Variants in RAB11FIP4 observed in about 807,000 individuals in gnomAD.
RAB11FIP4 encodes the protein RAB11 family interacting protein 4, also known as rab11 family-interacting protein 4.
A neutral mutation model predicts 74.3 loss-of-function variants in RAB11FIP4; 23 were observed. That is an observed-to-expected ratio of 0.31 (90% CI 0.22 to 0.44). RAB11FIP4 has a LOEUF of 0.44. Among genes scored for constraint, RAB11FIP4 ranks in the 20% least tolerant of loss-of-function variants. The pLI is 1.00. For missense variants in RAB11FIP4, 630 were observed against 863.9 expected (o/e 0.73, Z 3.39); for synonymous variants, 360 against 359.9 (o/e 1.00, Z 0.00).
At chr17:31,499,597 C>T (rs997300460) in intron 3 of RAB11FIP4, among the ~76,000 whole-genome samples, 4 of 152,086 alleles carry the variant, frequency 2.6e-5, no homozygotes, top group Admixed American at 6.6e-5. Flanking sequence ...CCTCGTGATC[C>T]GCCCGTCTCG....
chr17:31,392,011 G>A lies in RAB11FIP4; in HGVS notation c.159G>A (p.Glu53=). 7.6e-7 allele frequency: 1 copy of A among 1,318,944 alleles called. No individual in the cohort carries two copies. Among genetic ancestry groups the A allele is most frequent in the Non-Finnish European group, 9.7e-7 (1 of 1,034,972 alleles). The allele number at this position is 1,318,944 out of a possible 1,614,324, so 81.7% of individuals were successfully genotyped here. A position where few individuals can be genotyped will look rare whatever the true frequency, so the allele number is the denominator to read the frequency against. The change falls in exon 1 of 15, where the codon GAG becomes GAA. Residue 53 remains glutamate (E), a splice_region_variant and synonymous_variant. Transcript: ENST00000621161. ...GACTGCGCTTCGGCCAGGGCGAGGA[G>A]GTAAGCTGGCCCGACCCCAGTCCCG... ...ALGLRFGQGE[E]VEKLVKYLDP...
At chr17:31,514,443 G>A (rs1293122324) in intron 3 of RAB11FIP4, among the ~76,000 whole-genome samples, 1 of 151,940 alleles carries the variant, frequency 6.6e-6, no homozygotes, top group Admixed American at 6.6e-5. Context: ...TGGCTGTAGG[G>A]GGAAGGTGGG....
chr17:31,415,249 T>G (rs1281893090), intron 1 of RAB11FIP4, among the ~76,000 whole-genome samples: 2 of 152,096 alleles, frequency 1.3e-5, no homozygotes, highest in Non-Finnish European at 2.9e-5. Context: ...AGACAGGAGG[T>G]GGGCACCTCA....
intron 3 of RAB11FIP4, among the ~76,000 whole-genome samples, chr17:31,482,569 C>T (rs184357242): frequency 2.4e-3 from 357 of 148,728 alleles, no homozygotes; most frequent in Non-Finnish European, 3.7e-3. Flanking sequence ...CCAGCTTGGG[C>T]GACAGAGGGA....
chr17:31,434,420 A>G (rs761684167), intron 3 of RAB11FIP4, among the ~76,000 whole-genome samples: 1 of 152,084 alleles, frequency 6.6e-6, no homozygotes, highest in Non-Finnish European at 1.5e-5. Flanking sequence ...CAGGACTAGA[A>G]TTGTTTCCTT....
chr17:31,502,023 A>G (rs1049722825), intron 3 of RAB11FIP4, among the ~76,000 whole-genome samples: 2 of 152,094 alleles, frequency 1.3e-5, no homozygotes, highest in African/African-American at 4.8e-5. Flanking sequence ...CAGGAGTTTG[A>G]GACTAGCCTG....
At chr17:31,482,428 A>G (rs1016057801) in intron 3 of RAB11FIP4, among the ~76,000 whole-genome samples, 3 of 152,000 alleles carry the variant, frequency 2.0e-5, no homozygotes, top group Non-Finnish European at 4.4e-5. Context: ...CATCTCTACT[A>G]AAAATACAAA....
intron 3 of RAB11FIP4, among the ~76,000 whole-genome samples, chr17:31,438,577 C>A (rs1312968563): frequency 1.3e-5 from 2 of 152,082 alleles, no homozygotes; most frequent in Non-Finnish European, 2.9e-5. Context: ...CTTCCTCTCT[C>A]CACACCCCCA....
chr17:31,417,612 C>A (rs181084794), intron 1 of RAB11FIP4, among the ~76,000 whole-genome samples: 1 of 152,210 alleles, frequency 6.6e-6, no homozygotes, highest in Admixed American at 6.5e-5. Flanking sequence ...ATTGCCACTC[C>A]GATGCCCATG....
At chr17:31,515,875 G>A (rs1257452999) in intron 3 of RAB11FIP4, among the ~76,000 whole-genome samples, 2 of 152,190 alleles carry the variant, frequency 1.3e-5, no homozygotes, top group African/African-American at 4.8e-5. Flanking sequence ...TCTTCTATCT[G>A]ATGATTTAAC....
At chr17:31,454,052 C>G (rs551459357) in intron 3 of RAB11FIP4, among the ~76,000 whole-genome samples, 1 of 152,140 alleles carries the variant, frequency 6.6e-6, no homozygotes, top group Non-Finnish European at 1.5e-5. Context: ...GAAAAGTCAG[C>G]CCCTGGGCAT....
intron 3 of RAB11FIP4, among the ~76,000 whole-genome samples, chr17:31,474,882 CAAAA>C: frequency 8.1e-6 from 1 of 124,190 alleles, no homozygotes; most frequent in Non-Finnish European, 1.8e-5. Flanking sequence ...AAACAAAAAA[CAAAA>C]AAAAAACAGA....
intron 3 of RAB11FIP4, among the ~76,000 whole-genome samples, chr17:31,508,392 CCCCT>C (rs1464388678): frequency 2.0e-5 from 3 of 152,246 alleles, no homozygotes; most frequent in Admixed American, 2.0e-4. Flanking sequence ...GCCAGTGGAT[CCCCT>C]TGTGGTGAGA....
intron 14 of RAB11FIP4, 26 bp from the exon 15 acceptor site, chr17:31,531,590 T>A: frequency 6.5e-7 from 1 of 1,527,914 alleles, no homozygotes; most frequent in South Asian, 1.1e-5. Context: ...GCCCAGCCAC[T>A]GACCCGTCTT....
chr17:31,442,603 C>G (rs947766018), intron 3 of RAB11FIP4, among the ~76,000 whole-genome samples: 1 of 152,140 alleles, frequency 6.6e-6, no homozygotes, highest in Middle Eastern at 3.2e-3. Flanking sequence ...TACTGTCTGC[C>G]CTTTACAGAA....
At chr17:31,525,844 G>A (rs73988087) in intron 10 of RAB11FIP4, 1 of 152,402 alleles carries the variant, frequency 6.6e-6, no homozygotes, top group Non-Finnish European at 1.5e-5. Flanking sequence ...GCCCCTTTGC[G>A]GCCCTTGACC....
In RAB11FIP4 at chr17:31,521,999, C is replaced by A; in HGVS notation, c.843C>A (p.Ile281=). The A allele has an allele frequency of 6.2e-7, 1 of 1,614,188 alleles. No individual in the cohort carries two copies. Among genetic ancestry groups the A allele is most frequent in the Admixed American group, 1.7e-5 (1 of 60,032 alleles). ...DVYCSQCCKK[I]NLLNDLEARL... is the part of the protein sequence containing the mutation. ...ACTGCTCTCAATGCTGCAAGAAAAT[C>A]AACCTGCTCAATGACTTGGAAGCCC... is the stretch of plus-strand genomic sequence containing the variant. The change falls in exon 6 of 15, where the codon ATC becomes ATA. Residue 281 remains isoleucine, a synonymous_variant. Coordinates refer to ENST00000621161, the MANE Select transcript of RAB11FIP4 (RefSeq NM_032932.6).
chr17:31,402,660 C>T (rs1258512072), intron 1 of RAB11FIP4, among the ~76,000 whole-genome samples: 5 of 149,512 alleles, frequency 3.3e-5, no homozygotes, highest in East Asian at 1.9e-4. Context: ...CTTGCTTTGT[C>T]GCCCAGGCTG....
intron 7 of RAB11FIP4, chr17:31,522,648 T>C: frequency 1.8e-6 from 1 of 544,702 alleles, no homozygotes; most frequent in Non-Finnish European, 3.2e-6. Flanking sequence ...CAGGCAGGCA[T>C]GCCAGGGATG....
Sources: allele counts gnomAD v4.1 joint callset (sites outside exome capture counted in the v4.1 genomes callset), GRCh38; gene constraint gnomAD v4.1.1; transcripts MANE v1.5; gene names NCBI Gene and HGNC (gene_info 2026-07-23, HGNC 2026-07-21).